The following MAD1L1 variants were observed in gnomAD, a reference collection of about 807,000 sequenced individuals.
The protein encoded by MAD1L1 is mitotic spindle assembly checkpoint protein MAD1.
A neutral mutation model predicts 96.9 loss-of-function variants in MAD1L1; 95 were observed. That is an observed-to-expected ratio of 0.98 (90% CI 0.83 to 1.16). The LOEUF (loss-of-function observed/expected upper bound fraction) is 1.16, where lower values mean the gene tolerates loss of function less well. Among genes scored for constraint, MAD1L1 ranks in the 50% most tolerant of loss-of-function variants. The pLI is 0.00. For missense variants in MAD1L1, 1,007 were observed against 954.4 expected (o/e 1.06, Z -0.73); for synonymous variants, 473 against 396.6 (o/e 1.19, Z -2.29).
At chr7:1,934,037 C>T (rs1487378906) in intron 17 of MAD1L1, among the ~76,000 whole-genome samples, 1 of 152,246 alleles carries the variant, frequency 6.6e-6, no homozygotes, top group East Asian at 1.9e-4. Flanking sequence ...TCCTCTCCCT[C>T]TGTGGGGTTA....
intron 18 of MAD1L1, among the ~76,000 whole-genome samples, chr7:1,884,736 C>T (rs762405079): frequency 1.2e-4 from 19 of 152,198 alleles, no homozygotes; most frequent in African/African-American, 1.9e-4. Flanking sequence ...GAGCGGACCA[C>T]GCCTGCGCCC....
At chr7:1,873,794 A>G (rs1785234756) in intron 18 of MAD1L1, among the ~76,000 whole-genome samples, 1 of 151,962 alleles carries the variant, frequency 6.6e-6, no homozygotes, top group South Asian at 2.1e-4. Flanking sequence ...CAGTGGGGAG[A>G]CGTGTGTTTG....
At chr7:1,933,937 C>T (rs939615882) in intron 17 of MAD1L1, among the ~76,000 whole-genome samples, 65 of 152,184 alleles carry the variant, frequency 4.3e-4, no homozygotes, top group African/African-American at 1.4e-3. Context: ...CAGCTCCACC[C>T]GCCGCCGGCT....
chr7:2,231,877 G>A (rs982520178), intron 1 of MAD1L1, among the ~76,000 whole-genome samples: 2 of 151,942 alleles, frequency 1.3e-5, no homozygotes, highest in African/African-American at 4.8e-5. Flanking sequence ...TGTGGGGAAC[G>A]GGGCCAATAT....
intron 14 of MAD1L1, among the ~76,000 whole-genome samples, chr7:1,981,187 G>A (rs1489072826): frequency 4.6e-5 from 7 of 152,138 alleles, no homozygotes; most frequent in Non-Finnish European, 1.5e-5. Context: ...GGCTGGTCTC[G>A]AACTCCTGAC....
chr7:2,072,253 T>C (rs1785167633), intron 11 of MAD1L1, among the ~76,000 whole-genome samples: 1 of 152,148 alleles, frequency 6.6e-6, no homozygotes, highest in South Asian at 2.1e-4. Context: ...AACCAACTGC[T>C]TGCTTGGTGG....
intron 12 of MAD1L1, among the ~76,000 whole-genome samples, chr7:2,060,276 G>A (rs1265932086): frequency 1.1e-5 from 1 of 93,562 alleles, no homozygotes; most frequent in African/African-American, 2.9e-5. Context: ...CGCCGATGCC[G>A]AGATACGCCG....
chr7:2,086,567 T>C (rs1785930282), intron 11 of MAD1L1, among the ~76,000 whole-genome samples: 2 of 152,188 alleles, frequency 1.3e-5, no homozygotes, highest in South Asian at 2.1e-4. Flanking sequence ...TTTTTTTCTT[T>C]TTGGAGACAA....
chr7:1,948,672 C>T (rs1227941816), intron 16 of MAD1L1, among the ~76,000 whole-genome samples: 2 of 152,216 alleles, frequency 1.3e-5, no homozygotes, highest in Non-Finnish European at 2.9e-5. Flanking sequence ...TCTGTGGTTC[C>T]ATAGCAGAGA....
chr7:2,161,883 G>A (rs992538539), intron 10 of MAD1L1, among the ~76,000 whole-genome samples: 2 of 150,374 alleles, frequency 1.3e-5, no homozygotes, highest in Admixed American at 6.6e-5. Context: ...CGCCCTGTCC[G>A]GGAGGTGGGG....
intron 9 of MAD1L1, among the ~76,000 whole-genome samples, chr7:2,214,170 G>A (rs965842588): frequency 3.3e-5 from 5 of 152,230 alleles, no homozygotes; most frequent in Non-Finnish European, 2.9e-5. Flanking sequence ...CTGTGCAGAC[G>A]GGGAGACAGA....
intron 17 of MAD1L1, among the ~76,000 whole-genome samples, chr7:1,911,050 G>A (rs1216196884): frequency 4.0e-5 from 6 of 149,768 alleles, no homozygotes; most frequent in South Asian, 2.1e-4. Context: ...CTGATTAGCC[G>A]TGAGGATTCA....
chr7:1,847,277 C>G, intron 18 of MAD1L1: 1 of 471,040 alleles, frequency 2.1e-6, no homozygotes, highest in South Asian at 1.5e-5. Flanking sequence ...GGGACACAAC[C>G]GAACGTGCCA....
intron 17 of MAD1L1, among the ~76,000 whole-genome samples, chr7:1,902,775 G>A (rs1340040423): frequency 9.9e-5 from 15 of 152,152 alleles, no homozygotes; most frequent in Admixed American, 6.5e-4. Context: ...AGTGGCCTAC[G>A]GAAGACGATC....
At chr7:2,216,958 C>T (rs545408407) in intron 7 of MAD1L1, among the ~76,000 whole-genome samples, 22 of 152,272 alleles carry the variant, frequency 1.4e-4, no homozygotes, top group Non-Finnish European at 2.8e-4. Context: ...GCGCCGACCT[C>T]CCAGCCCTCC....
chr7:2,189,720 G>A (rs1393562398), intron 10 of MAD1L1, among the ~76,000 whole-genome samples: 1 of 152,208 alleles, frequency 6.6e-6, no homozygotes, highest in Admixed American at 6.5e-5. Context: ...GGATGGTGGT[G>A]ATGGTTGCAC....
At chr7:1,896,991 G>T (rs1786916390) in intron 18 of MAD1L1, among the ~76,000 whole-genome samples, 1 of 152,236 alleles carries the variant, frequency 6.6e-6, no homozygotes, top group South Asian at 2.1e-4. Flanking sequence ...TAAAGACTTG[G>T]TGTGTTTTTA....
chr7:2,167,285 T>C (rs375236097), intron 10 of MAD1L1, among the ~76,000 whole-genome samples: 1 of 152,164 alleles, frequency 6.6e-6, no homozygotes, highest in African/African-American at 2.4e-5. Context: ...CGGCAGCTCA[T>C]GCCTGTAATC....
chr7:2,026,705 T>C lies in MAD1L1; in HGVS notation c.1219-12063A>G, dbSNP rs76420412. Among the ~76,000 whole-genome samples, 366 of 152,074 alleles carry C rather than the reference T, an allele frequency of 2.4e-3. 3 individuals carry two copies. The East Asian group carries it at 0.027, about 11-fold the overall frequency. ...TTTCTGAATAGCCCATTGGTCAAAA[T>C]AAAAATCACAATGGAAATTGATAAA... On this transcript the variant is annotated intron_variant, in intron 12 of 18. Transcript: ENST00000265854.
Sources: gnomAD v4.1 joint callset for allele counts (sites outside exome capture counted in the v4.1 genomes callset) on GRCh38, gnomAD v4.1.1 for gene constraint, MANE v1.5 for transcripts, NCBI Gene and HGNC (gene_info 2026-07-23, HGNC 2026-07-21) for gene names.